Variants in CSMD3 observed in about 807,000 individuals in gnomAD.
CSMD3 encodes CUB and Sushi multiple domains 3, also known as CUB and sushi domain-containing protein 3.
A neutral mutation model predicts 435.2 loss-of-function variants in CSMD3; 177 were observed. That is an observed-to-expected ratio of 0.41 (90% CI 0.36 to 0.46). The LOEUF is 0.46. Ranked by LOEUF, CSMD3 falls within the 20% of genes least tolerant of loss-of-function variation. CSMD3 has a pLI of 0.34. For synonymous variants in CSMD3, 1,656 were observed against 1,520.5 expected, an observed-to-expected ratio of 1.09 and a Z score of -2.07; for missense variants, 4,265 against 4,504.6, an observed-to-expected ratio of 0.95 and a Z score of 1.52.
At chr8:112,333,387 G>A (rs1054776310) in intron 45 of CSMD3, among the ~76,000 whole-genome samples, 4 of 151,926 alleles carry the variant, frequency 2.6e-5, no homozygotes, top group South Asian at 2.1e-4. Flanking sequence ...GGCTAGTCTC[G>A]AACTCCCGAC....
intron 41 of CSMD3, among the ~76,000 whole-genome samples, chr8:112,345,349 A>G (rs1165086844): frequency 1.3e-5 from 2 of 152,196 alleles, no homozygotes; most frequent in Non-Finnish European, 2.9e-5. Flanking sequence ...AGTGTCCATC[A>G]TCTGATGAAT....
At chr8:112,867,128 T>A (rs1171932460) in intron 10 of CSMD3, among the ~76,000 whole-genome samples, 1 of 152,128 alleles carries the variant, frequency 6.6e-6, no homozygotes, top group Non-Finnish European at 1.5e-5. Context: ...GATTCGGATG[T>A]TGAGAGAAAT....
chr8:112,608,747 G>A (rs918739679), intron 22 of CSMD3, among the ~76,000 whole-genome samples: 5 of 151,788 alleles, frequency 3.3e-5, no homozygotes, highest in East Asian at 3.9e-4. Flanking sequence ...TATATGAAGG[G>A]GAAAGAACAG....
At chr8:112,329,603 CATCAT>C (rs1823846251) in intron 45 of CSMD3, among the ~76,000 whole-genome samples, 1 of 152,094 alleles carries the variant, frequency 6.6e-6, no homozygotes, top group Admixed American at 6.6e-5. Context: ...CAGAGTCCCT[CATCAT>C]ATGTTGTCTC....
At chr8:112,805,351 A>G (rs1019455545) in intron 12 of CSMD3, among the ~76,000 whole-genome samples, 1 of 152,156 alleles carries the variant, frequency 6.6e-6, no homozygotes, top group African/African-American at 2.4e-5. Context: ...TTTGGGCCCT[A>G]GCAAGTGGTT....
chr8:112,408,137 G>A (rs1378354241), intron 34 of CSMD3, among the ~76,000 whole-genome samples, 181 bp downstream of exon 34: 2 of 151,986 alleles, frequency 1.3e-5, no homozygotes, highest in African/African-American at 2.4e-5. Flanking sequence ...AATGATGATG[G>A]AAGCAATAGA....
intron 32 of CSMD3, among the ~76,000 whole-genome samples, chr8:112,452,255 G>T (rs1286834153): frequency 6.6e-6 from 1 of 152,068 alleles, no homozygotes; most frequent in East Asian, 1.9e-4. Context: ...TTCAGTACTG[G>T]ATTCTAGTTT....
chr8:113,001,716 A>G (rs953315397), intron 6 of CSMD3, among the ~76,000 whole-genome samples: 3 of 152,108 alleles, frequency 2.0e-5, no homozygotes, highest in African/African-American at 4.8e-5. Flanking sequence ...TAATAGATTC[A>G]GGGAAACTAA....
chr8:113,071,401 G>A (rs1012698032), intron 5 of CSMD3, among the ~76,000 whole-genome samples: 1 of 151,708 alleles, frequency 6.6e-6, no homozygotes, highest in Non-Finnish European at 1.5e-5. Flanking sequence ...TGCACATATC[G>A]AAGTCAAGAA....
At chr8:112,954,589 T>A in intron 8 of CSMD3, 95 bp downstream of exon 8, 4 of 743,482 alleles carry the variant, frequency 5.4e-6, no homozygotes, top group African/African-American at 1.7e-5. Context: ...ATTTGGTAAA[T>A]ACACAAATAT....
At chr8:113,302,580 CATTTAT>C (rs1375304778) in intron 2 of CSMD3, among the ~76,000 whole-genome samples, 1 of 151,660 alleles carries the variant, frequency 6.6e-6, no homozygotes, top group Non-Finnish European at 1.5e-5. Context: ...AAAACATTTA[CATTTAT>C]GAGAACATTA....
intron 12 of CSMD3, among the ~76,000 whole-genome samples, chr8:112,825,859 C>G (rs537778132): frequency 6.6e-6 from 1 of 152,308 alleles, no homozygotes; most frequent in South Asian, 2.1e-4. Flanking sequence ...TTGACTGTCC[C>G]TTGGTGGACA....
intron 3 of CSMD3, among the ~76,000 whole-genome samples, chr8:113,254,773 T>G (rs1291460305): frequency 6.6e-6 from 1 of 152,190 alleles, no homozygotes; most frequent in Non-Finnish European, 1.5e-5. Context: ...TTGGAAATTC[T>G]GGAAATTCTG....
chr8:112,600,158 T>G (rs2131412143), intron 22 of CSMD3, among the ~76,000 whole-genome samples: 1 of 152,252 alleles, frequency 6.6e-6, no homozygotes, highest in Admixed American at 6.5e-5. Flanking sequence ...GATTTTTAAA[T>G]ATAATAACTC....
intron 2 of CSMD3, among the ~76,000 whole-genome samples, chr8:113,299,821 C>A (rs1381619394): frequency 3.3e-5 from 5 of 151,972 alleles, no homozygotes; most frequent in Non-Finnish European, 7.4e-5. Context: ...CTGGTGAAAC[C>A]CCTCTCTACT....
At chr8:113,283,386 A>G (rs2093625691) in intron 2 of CSMD3, among the ~76,000 whole-genome samples, 1 of 152,066 alleles carries the variant, frequency 6.6e-6, no homozygotes, top group Non-Finnish European at 1.5e-5. Context: ...ATCAGTAAGA[A>G]AAAAAAGAAA....
At chr8:113,004,612 T>C (rs952404727) in intron 6 of CSMD3, among the ~76,000 whole-genome samples, 6 of 151,914 alleles carry the variant, frequency 3.9e-5, no homozygotes, top group African/African-American at 1.4e-4. Context: ...GAGCGCAAGA[T>C]TTAGGGAGTG....
At chr8:112,241,507 TA>T (rs1422788819) in intron 66 of CSMD3, among the ~76,000 whole-genome samples, 1 of 152,106 alleles carries the variant, frequency 6.6e-6, no homozygotes, top group Non-Finnish European at 1.5e-5. Context: ...TTAATATTTT[TA>T]GCAGACGGAA....
intron 36 of CSMD3, among the ~76,000 whole-genome samples, chr8:112,386,800 C>A (rs2129647336): frequency 6.6e-6 from 1 of 151,978 alleles, no homozygotes; most frequent in African/African-American, 2.4e-5. Flanking sequence ...CCCGGCCCAA[C>A]TAAAGATTTT....
Sources: gnomAD v4.1 joint callset for allele counts (sites outside exome capture counted in the v4.1 genomes callset) on GRCh38, gnomAD v4.1.1 for gene constraint, MANE v1.5 for transcripts, NCBI Gene and HGNC (gene_info 2026-07-23, HGNC 2026-07-21) for gene names.